UNC13C: variants seen among roughly 807,000 people sequenced by gnomAD.
UNC13C encodes protein unc-13 homolog C.
Under a neutral mutation model 245.4 loss-of-function variants are expected in UNC13C, and 174 were observed. That is an observed-to-expected ratio of 0.71 (90% confidence interval 0.63 to 0.80). The LOEUF is 0.80. Among genes scored for constraint, UNC13C ranks in the 30% least tolerant of loss-of-function variants. The pLI, the probability that UNC13C is intolerant of heterozygous loss-of-function variation, is 0.00. For synonymous variants in UNC13C, 992 were observed against 895.1 expected, an observed-to-expected ratio of 1.11 and a Z score of -1.93; for missense variants, 2,829 against 2,602.9, an observed-to-expected ratio of 1.09 and a Z score of -1.89.
rs1411846437 is a variant in UNC13C at position 54,013,206 on chromosome 15, C to A, written c.303C>A (p.Gly101=). 6.2e-7 allele frequency: 1 copy of A among 1,613,760 alleles called. No individual in the cohort carries two copies. The highest frequency in any genetic ancestry group is 1.7e-5 in the Admixed American group (1 of 59,912). Residue 101 remains glycine (G), a synonymous_variant, in exon 2 of 33, where the codon GGC becomes GGA. Coordinates refer to ENST00000260323, the MANE Select transcript of UNC13C (RefSeq NM_001080534.3). ...TFSYRVAIAN[G]LQKNAKVTNS... The stretch of plus-strand genomic sequence containing the variant: ...GTTACCGAGTAGCTATTGCCAATGG[C>A]CTACAAAAGAATGCTAAAGTAACCA...
chr15:53,908,224 CT>C, the UNC13C span, among the ~76,000 whole-genome samples: 32 of 146,410 alleles, frequency 2.2e-4, 5 homozygotes, highest in Non-Finnish European at 4.1e-4. Flanking sequence ...ATGGGTGCTC[CT>C]TTTTTTGTCC....
rs761555269 is a variant in UNC13C at position 54,567,977 on chromosome 15, G to A, written c.6106+30G>A. The A allele has an allele frequency of 1.8e-5, 25 of 1,420,670 alleles. 1 individual carries two copies. In the South Asian group the frequency reaches 3.8e-4, roughly 21 times the overall value. The allele number at this position is 1,420,670 out of a possible 1,614,324, so 88.0% of individuals were successfully genotyped here. A position where few individuals can be genotyped will look rare whatever the true frequency, so the allele number is the denominator to read the frequency against. ...GTAACACATAGGACCTGAGAATAAG[G>A]TAAACTGAATACTAAAATAAAATTT... On this transcript the variant is annotated intron_variant, in intron 30 of 32. Coordinates refer to ENST00000260323, the MANE Select transcript of UNC13C (RefSeq NM_001080534.3).
At chr15:54,057,561 A>G (rs373797027) in intron 2 of UNC13C, among the ~76,000 whole-genome samples, 1 of 152,052 alleles carries the variant, frequency 6.6e-6, no homozygotes, top group Non-Finnish European at 1.5e-5. Context: ...ACAAGACAGA[A>G]AGTTAACCAG....
At chr15:53,901,346 A>T in the UNC13C span, among the ~76,000 whole-genome samples, 1 of 151,538 alleles carries the variant, frequency 6.6e-6, no homozygotes, top group South Asian at 2.1e-4. Flanking sequence ...CAGCCTCCCA[A>T]GTAGCTGGGA....
rs544024002 is a variant in UNC13C, at chr15:54,251,250, T to C, written c.3448+806T>C. On this transcript the variant is annotated intron_variant, in intron 8 of 32. Transcript: ENST00000260323. ...ACAGTTCCTGCACAGGCCTTGGAAA[T>C]GGGATGTCTTGGGTTTGAATGTCAA... is the stretch of plus-strand genomic sequence containing the variant. Among the ~76,000 whole-genome samples, 10 of 152,214 alleles carry C rather than the reference T, an allele frequency of 6.6e-5. No individual in the cohort carries two copies. In the South Asian group the frequency reaches 2.1e-3, roughly 32 times the overall value.
At position 54,421,720 on chromosome 15, in the gene UNC13C, C is replaced by T. The variant is rs371290670; in HGVS notation, c.4933+6653C>T. 2.0e-5 allele frequency among the ~76,000 whole-genome samples: 3 copies of T among 152,176 alleles called. No homozygotes were observed. The East Asian group carries it at 5.8e-4, about 30-fold the overall frequency. On this transcript the variant is annotated intron_variant, in intron 19 of 32. Coordinates refer to ENST00000260323, the MANE Select transcript of UNC13C (RefSeq NM_001080534.3). ...TATAGACATCTCATTGTTCTTGGCT[C>T]ATCCTTATGCAAGTAGAAACTATCT...
intron 2 of UNC13C, among the ~76,000 whole-genome samples, chr15:54,073,153 T>C (rs1045968173): frequency 3.3e-5 from 5 of 152,206 alleles, no homozygotes; most frequent in African/African-American, 1.2e-4. Context: ...GTTCTTGTGT[T>C]AGTTTGCTGA....
At chr15:54,217,879 C>T (rs2035090572) in intron 4 of UNC13C, among the ~76,000 whole-genome samples, 1 of 151,784 alleles carries the variant, frequency 6.6e-6, no homozygotes. Flanking sequence ...TTGCTCTTTC[C>T]AGGCATCATT....
intron 26 of UNC13C, among the ~76,000 whole-genome samples, chr15:54,533,908 A>C (rs529587169): frequency 6.6e-6 from 1 of 152,322 alleles, no homozygotes; most frequent in South Asian, 2.1e-4. Context: ...TACAAGAGAA[A>C]AGTGAATAAT....
chr15:53,887,383 G>C, the UNC13C span, among the ~76,000 whole-genome samples: 6 of 152,062 alleles, frequency 3.9e-5, no homozygotes, highest in Admixed American at 3.3e-4. Context: ...AGGAAACAAA[G>C]TATATTAGGG....
intron 7 of UNC13C, among the ~76,000 whole-genome samples, chr15:54,238,681 A>G (rs1025464550): frequency 1.3e-5 from 2 of 152,158 alleles, no homozygotes; most frequent in Non-Finnish European, 2.9e-5. Context: ...TTAAACTCTG[A>G]TATCCTTGAG....
intron 30 of UNC13C, among the ~76,000 whole-genome samples, chr15:54,599,743 A>G (rs1899304011): frequency 6.6e-6 from 1 of 152,052 alleles, no homozygotes; most frequent in African/African-American, 2.4e-5. Context: ...CATACAGACA[A>G]ATTTTCTCTG....
At chr15:54,131,183 G>A (rs2031393249) in intron 2 of UNC13C, among the ~76,000 whole-genome samples, 4 of 152,142 alleles carry the variant, frequency 2.6e-5, no homozygotes, top group Admixed American at 2.6e-4. Flanking sequence ...GTATTTGTGT[G>A]TCTGCATGGA....
At chr15:54,205,029 G>A (rs922405175) in intron 4 of UNC13C, among the ~76,000 whole-genome samples, 1 of 151,816 alleles carries the variant, frequency 6.6e-6, no homozygotes, top group Non-Finnish European at 1.5e-5. Flanking sequence ...TCCCATAATT[G>A]GGAGATATTA....
At chr15:54,350,772 A>C (rs922967229) in intron 17 of UNC13C, among the ~76,000 whole-genome samples, 4 of 152,190 alleles carry the variant, frequency 2.6e-5, no homozygotes, top group African/African-American at 7.2e-5. Context: ...TGGAGTCAAG[A>C]GGTATAATCA....
intron 18 of UNC13C, among the ~76,000 whole-genome samples, 160 bp from the exon 19 acceptor site, chr15:54,414,821 AT>A (rs74851984): frequency 3.1e-4 from 46 of 148,388 alleles, no homozygotes; most frequent in East Asian, 4.0e-4. Flanking sequence ...AGTGTGTAAC[AT>A]TTTTTTTTTT....
chr15:53,937,622 G>C, the UNC13C span, among the ~76,000 whole-genome samples: 1 of 152,114 alleles, frequency 6.6e-6, no homozygotes, highest in Non-Finnish European at 1.5e-5. Flanking sequence ...AAATGTTAAA[G>C]GCAGCCAGAG....
intron 30 of UNC13C, among the ~76,000 whole-genome samples, chr15:54,616,905 T>C (rs1170650534): frequency 6.6e-6 from 1 of 152,058 alleles, no homozygotes; most frequent in Non-Finnish European, 1.5e-5. Flanking sequence ...TGTCTTGTTT[T>C]TATGTTTTAT....
intron 2 of UNC13C, among the ~76,000 whole-genome samples, chr15:54,021,197 CA>C (rs1895890657): frequency 6.6e-6 from 1 of 151,832 alleles, no homozygotes; most frequent in African/African-American, 2.4e-5. Context: ...GAGAACATGA[CA>C]AATCTATTCT....
Sources: allele counts gnomAD v4.1 joint callset (sites outside exome capture counted in the v4.1 genomes callset), GRCh38; gene constraint gnomAD v4.1.1; transcripts MANE v1.5; gene names NCBI Gene and HGNC (gene_info 2026-07-23, HGNC 2026-07-21).